The following POTEB3 variants were observed in gnomAD, a reference collection of about 807,000 sequenced individuals.
POTEB3 encodes POTE ankyrin domain family member B3, also known as ANKRD26-like family B member 1.
POTEB3 carries 5 observed loss-of-function variants against 39.8 expected under a neutral mutation model. The observed-to-expected ratio is 0.13, with a 90% CI of 0.07 to 0.26. The LOEUF is 0.26. POTEB3 is among the 10% of genes least tolerant of loss of function. POTEB3 has a pLI of 1.00. For synonymous variants in POTEB3, 5 were observed against 161.5 expected (o/e 0.03, Z 7.35); for missense variants, 24 against 475.6 (o/e 0.05, Z 8.83).
At chr15:21,413,824 T>C (rs1171897252) in intron 9 of POTEB3, among the ~76,000 whole-genome samples, 4,571 of 56,828 alleles carry the variant, frequency 0.08, 523 homozygotes, top group African/African-American at 0.12. Context: ...ACCTCCCAGC[T>C]GGTCTTTCTC....
rs1354623167 is a variant in POTEB3, at chr15:21,407,459, G to T, written c.*1524C>A. 1.1e-5 allele frequency among the ~76,000 whole-genome samples: 1 copy of T among 88,104 alleles called. No homozygotes were observed. Among genetic ancestry groups the T allele is most frequent in the East Asian group, 3.0e-4 (1 of 3,388 alleles). The allele number at this position is 88,104 out of a possible 152,430, so 57.8% of individuals were successfully genotyped here. A position where few individuals can be genotyped will look rare whatever the true frequency, so the allele number is the denominator to read the frequency against. On this transcript the variant is annotated 3_prime_UTR_variant, in exon 11 of 11. Transcript: ENST00000611217. ...GTGATGTAGGAAGTTTCCATATAAA[G>T]GGCTGCAGTATGGAGAGGTAATGTG... is the stretch of plus-strand genomic sequence containing the variant.
rs1899235284 is a variant in POTEB3 at position 21,440,434 on chromosome 15, A to G, written c.-423T>C. 3.7e-6 allele frequency: 1 copy of G among 267,876 alleles called. No homozygotes were observed. The highest frequency in any genetic ancestry group is 6.7e-6 in the Non-Finnish European group (1 of 149,478). 16.6% of individuals were successfully genotyped at this position (267,876 alleles called of 1,614,324 possible). A position where few individuals can be genotyped will look rare whatever the true frequency, so the allele number is the denominator to read the frequency against. On this transcript the variant is annotated 5_prime_UTR_variant, in exon 1 of 11. Transcript: ENST00000611217. ...AGGCCAAGCGAGGAACGCGAAGCGA[A>G]GTGTACCCGTTACAGGTAAGCCAAG... is the stretch of plus-strand genomic sequence containing the variant.
chr15:21,434,154 G>T (rs145482297), intron 3 of POTEB3, among the ~76,000 whole-genome samples: 13,892 of 130,068 alleles, frequency 0.11, 97 homozygotes, highest in African/African-American at 0.19. Context: ...TCTGATTGCT[G>T]CATTTTTCCC....
chr15:21,433,667 G>C (rs1247789506), intron 3 of POTEB3, among the ~76,000 whole-genome samples: 1 of 147,874 alleles, frequency 6.8e-6, no homozygotes, highest in African/African-American at 2.5e-5. Context: ...CCTGGTAAGA[G>C]TAGAACAAGG....
At chr15:21,433,504 A>G (rs1899058744) in intron 3 of POTEB3, among the ~76,000 whole-genome samples, 1 of 150,496 alleles carries the variant, frequency 6.6e-6, no homozygotes. Flanking sequence ...GGTAACTGGA[A>G]TGCACAACTC....
At chr15:21,434,074 C>CA (rs1337059889) in intron 3 of POTEB3, among the ~76,000 whole-genome samples, 1 of 135,644 alleles carries the variant, frequency 7.4e-6, no homozygotes, top group Non-Finnish European at 1.6e-5. Context: ...CAAACAAAAA[C>CA]AAAAACAAAA....
intron 9 of POTEB3, among the ~76,000 whole-genome samples, chr15:21,414,270 G>A (rs1438094883): frequency 3.4e-4 from 38 of 112,374 alleles, no homozygotes; most frequent in Non-Finnish European, 6.4e-4. Flanking sequence ...AAAACAGAAA[G>A]AAAATAATTA....
chr15:21,433,881 T>C (rs1157070509), intron 3 of POTEB3, among the ~76,000 whole-genome samples: 1 of 151,394 alleles, frequency 6.6e-6, no homozygotes, highest in South Asian at 2.1e-4. Flanking sequence ...TCACTGCCAA[T>C]CTGGTTCCTC....
chr15:21,430,781 T>C (rs1898929564), intron 4 of POTEB3, among the ~76,000 whole-genome samples: 1 of 151,428 alleles, frequency 6.6e-6, no homozygotes, highest in Non-Finnish European at 1.5e-5. Flanking sequence ...GGGGCTAAGA[T>C]AAATAAGAGC....
chr15:21,431,060 C>A (rs1177775807), intron 4 of POTEB3, among the ~76,000 whole-genome samples: 1 of 149,428 alleles, frequency 6.7e-6, no homozygotes, highest in African/African-American at 2.5e-5. Flanking sequence ...GAATCCAAAG[C>A]GTAGCTCTTT....
chr15:21,424,315 AT>A (rs1898591883), intron 6 of POTEB3, among the ~76,000 whole-genome samples: 1 of 22,624 alleles, frequency 4.4e-5, no homozygotes, highest in Non-Finnish European at 8.3e-5. Flanking sequence ...AAGCAAAAAA[AT>A]CACACTGTGT....
At position 21,410,722 on chromosome 15, in the gene POTEB3, A is replaced by AGG. The variant is rs371745951; in HGVS notation, c.1533+154_1533+155dup. ...TATAGATATATGACCAAGGATATACAGGGGGTGTGTGTGTGTGTGTGTATA... is the reference window on the plus strand; with the variant it reads ...TATAGATATATGACCAAGGATATACAGGGGGGGTGTGTGTGTGTGTGTGTATA... On this transcript the variant is annotated intron_variant, in intron 10 of 10. Transcript: ENST00000611217. Among the ~76,000 whole-genome samples the AGG allele has an allele frequency of 6.4e-5, 5 of 78,304 alleles. 1 individual carries two copies. The highest frequency in any genetic ancestry group is 1.0e-4 in the African/African-American group (1 of 9,674). 51.4% of individuals were successfully genotyped at this position (78,304 alleles called of 152,430 possible).
At chr15:21,433,503 A>G (rs1899058642) in intron 3 of POTEB3, among the ~76,000 whole-genome samples, 1 of 150,468 alleles carries the variant, frequency 6.6e-6, no homozygotes, top group South Asian at 2.1e-4. Flanking sequence ...AGGTAACTGG[A>G]ATGCACAACT....
intron 3 of POTEB3, among the ~76,000 whole-genome samples, chr15:21,433,399 T>C (rs1366459851): frequency 6.7e-6 from 1 of 149,984 alleles, no homozygotes; most frequent in African/African-American, 2.5e-5. Flanking sequence ...CAAGGAAACA[T>C]TTTTAAACAT....
At chr15:21,422,971 C>T (rs1327211227) in intron 6 of POTEB3, among the ~76,000 whole-genome samples, 1 of 146,874 alleles carries the variant, frequency 6.8e-6, no homozygotes, top group Admixed American at 6.8e-5. Flanking sequence ...TCTCTCCTGC[C>T]TCCTGTTTTC....
chr15:21,410,651 C>T (rs1898302436), intron 10 of POTEB3, among the ~76,000 whole-genome samples: 1 of 76,622 alleles, frequency 1.3e-5, no homozygotes, highest in Non-Finnish European at 2.3e-5. Flanking sequence ...CTGTTGCAGG[C>T]AAATGCAGTT....
At chr15:21,433,967 T>A (rs1284352801) in intron 3 of POTEB3, among the ~76,000 whole-genome samples, 1 of 148,496 alleles carries the variant, frequency 6.7e-6, no homozygotes, top group Non-Finnish European at 1.5e-5. Flanking sequence ...ACTGTCATTC[T>A]CTAAAATGGA....
chr15:21,415,056 C>T (rs1898392814), intron 9 of POTEB3, among the ~76,000 whole-genome samples: 2 of 103,640 alleles, frequency 1.9e-5, no homozygotes, highest in South Asian at 2.5e-4. Flanking sequence ...CACTGAACTC[C>T]AGCCTGGGGG....
At chr15:21,409,812 C>T (rs1187416275) in intron 10 of POTEB3, among the ~76,000 whole-genome samples, 1 of 105,852 alleles carries the variant, frequency 9.4e-6, no homozygotes, top group Non-Finnish European at 1.8e-5. Flanking sequence ...AAGGAGAGAT[C>T]AAAAAATATA....
Sources: gnomAD v4.1 joint callset for allele counts (sites outside exome capture counted in the v4.1 genomes callset) on GRCh38, gnomAD v4.1.1 for gene constraint, MANE v1.5 for transcripts, NCBI Gene and HGNC (gene_info 2026-07-23, HGNC 2026-07-21) for gene names.